The following SUCLG1 variants were observed in gnomAD, a reference collection of about 807,000 sequenced individuals.
The protein encoded by SUCLG1 is succinate-CoA ligase GDP/ADP-forming subunit alpha.
In SUCLG1, 26 loss-of-function variants were observed where a neutral mutation model predicts 37.3. The ratio of observed to expected loss-of-function variants is 0.70; its 90% CI spans 0.51 to 0.97. The LOEUF (loss-of-function observed/expected upper bound fraction) is 0.97, where lower values mean the gene tolerates loss of function less well. SUCLG1 is among the 50% of genes least tolerant of loss of function. SUCLG1 has a pLI of 0.00. For synonymous variants in SUCLG1, 163 were observed against 155.6 expected, an observed-to-expected ratio of 1.05 and a Z score of -0.36; for missense variants, 433 against 432.9, an observed-to-expected ratio of 1.00 and a Z score of 0.00.
chr2:84,457,174 C>T (rs1182539647), intron 1 of SUCLG1, among the ~76,000 whole-genome samples: 1 of 151,882 alleles, frequency 6.6e-6, no homozygotes, highest in Admixed American at 6.6e-5. Context: ...ATTTCTGGTC[C>T]CTTTTTAAAA....
At chr2:84,457,961 C>T (rs550088530) in intron 1 of SUCLG1, among the ~76,000 whole-genome samples, 2 of 152,078 alleles carry the variant, frequency 1.3e-5, no homozygotes, top group East Asian at 3.9e-4. Flanking sequence ...ATTGAGTGCA[C>T]ACTCATCAAT....
intron 8 of SUCLG1, among the ~76,000 whole-genome samples, chr2:84,424,543 A>T (rs778487616): frequency 1.4e-3 from 211 of 152,320 alleles, no homozygotes; most frequent in South Asian, 3.9e-3. Flanking sequence ...AGTCCACTTT[A>T]TTTATCTCTA....
intron 5 of SUCLG1, among the ~76,000 whole-genome samples, chr2:84,439,828 T>A (rs1306866252): frequency 6.6e-6 from 1 of 152,220 alleles, no homozygotes; most frequent in East Asian, 1.9e-4. Context: ...CTCAAGGAAC[T>A]AACCAAGTAG....
At chr2:84,441,504 A>C (rs779237043) in intron 3 of SUCLG1, 45 bp from the exon 4 acceptor site, 17 of 1,573,108 alleles carry the variant, frequency 1.1e-5, no homozygotes, top group Non-Finnish European at 1.5e-5. Context: ...TTAAATCATA[A>C]ACATTGTAAA....
chr2:84,450,770 C>T (rs567595890), intron 1 of SUCLG1, among the ~76,000 whole-genome samples: 3 of 152,198 alleles, frequency 2.0e-5, no homozygotes, highest in Non-Finnish European at 4.4e-5. Flanking sequence ...AAATCACTGC[C>T]TCATACCCAC....
At chr2:84,440,926 G>A (rs945021358) in intron 5 of SUCLG1, 121 bp downstream of exon 5, 7 of 975,776 alleles carry the variant, frequency 7.2e-6, no homozygotes, top group Non-Finnish European at 1.1e-5. Context: ...AACTTCCCTG[G>A]TAAATTCTAC....
intron 5 of SUCLG1, among the ~76,000 whole-genome samples, chr2:84,436,062 C>T (rs1573366814): frequency 6.6e-6 from 1 of 152,058 alleles, no homozygotes; most frequent in African/African-American, 2.4e-5. Flanking sequence ...CTTCCGGTAA[C>T]AAGAGGGCTC....
intron 2 of SUCLG1, among the ~76,000 whole-genome samples, 185 bp from the exon 3 acceptor site, chr2:84,443,585 G>A (rs1268282609): frequency 6.6e-6 from 1 of 152,158 alleles, no homozygotes; most frequent in Non-Finnish European, 1.5e-5. Context: ...AGCCAAAATA[G>A]CTATAAACAA....
intron 7 of SUCLG1, 103 bp from the exon 8 acceptor site, chr2:84,425,706 G>A: frequency 7.0e-6 from 9 of 1,293,480 alleles, no homozygotes; most frequent in Non-Finnish European, 1.0e-5. Context: ...CTTGGGCAGG[G>A]GAAAGCCCAC....
At chr2:84,448,336 C>T (rs1426204876) in intron 2 of SUCLG1, among the ~76,000 whole-genome samples, 1 of 151,932 alleles carries the variant, frequency 6.6e-6, no homozygotes, top group Non-Finnish European at 1.5e-5. Context: ...TCTATGGCTG[C>T]TTTTGCTGTT....
At chr2:84,427,046 G>A (rs1017254131) in intron 7 of SUCLG1, 14 of 153,708 alleles carry the variant, frequency 9.1e-5, no homozygotes, top group African/African-American at 3.1e-4. Context: ...AACCATTCTA[G>A]TGAGAAGAGT....
At chr2:84,430,023 A>C (rs993060428) in intron 7 of SUCLG1, among the ~76,000 whole-genome samples, 1 of 152,188 alleles carries the variant, frequency 6.6e-6, no homozygotes, top group Non-Finnish European at 1.5e-5. Context: ...ATAAGAGAGA[A>C]ATAAAAGTTA....
At chr2:84,433,168 G>C (rs933222692) in intron 6 of SUCLG1, 184 bp downstream of exon 6, 2 of 662,370 alleles carry the variant, frequency 3.0e-6, no homozygotes, top group African/African-American at 3.6e-5. Context: ...TGAAATCTTG[G>C]ACCATGAATC....
intron 7 of SUCLG1, among the ~76,000 whole-genome samples, chr2:84,430,537 T>C (rs998806279): frequency 1.3e-5 from 2 of 152,140 alleles, no homozygotes; most frequent in Admixed American, 1.3e-4. Context: ...ATATTCAAAA[T>C]AGCCCTTGAA....
chr2:84,434,321 A>G (rs567643091), intron 5 of SUCLG1, among the ~76,000 whole-genome samples: 1 of 152,304 alleles, frequency 6.6e-6, no homozygotes, highest in South Asian at 2.1e-4. Context: ...CAACCAATAT[A>G]TAGGCTTTAA....
Position 84,459,270 on chromosome 2 carries a change from A to C in SUCLG1, c.-1T>G, listed in dbSNP as rs955120902. On this transcript the variant is annotated 5_prime_UTR_variant, in exon 1 of 9. Transcript: ENST00000393868. ...CGGCAGCGGCAAGGGTTGCGGTCAT[A>C]CGCCAATGACACTCCCAGGCCCCCG... The C allele has an allele frequency of 2.6e-6, 4 of 1,550,662 alleles. No homozygotes were observed. The highest frequency in any genetic ancestry group is 3.9e-5 in the Admixed American group (2 of 51,004).
intron 1 of SUCLG1, among the ~76,000 whole-genome samples, chr2:84,456,699 TGTTGCCCAGGC>T (rs1673025183): frequency 6.6e-6 from 1 of 152,282 alleles, no homozygotes; most frequent in East Asian, 1.9e-4. Flanking sequence ...AGTCTCACTC[TGTTGCCCAGGC>T]TGGAGTACAG....
At chr2:84,442,166 TAAA>T (rs11310460) in intron 3 of SUCLG1, among the ~76,000 whole-genome samples, 12 of 141,048 alleles carry the variant, frequency 8.5e-5, no homozygotes, top group African/African-American at 1.0e-4. Flanking sequence ...GAACTTTCTT[TAAA>T]AAAAAAAAAA....
chr2:84,428,505 T>A (rs1672568919), intron 7 of SUCLG1, among the ~76,000 whole-genome samples: 1 of 152,204 alleles, frequency 6.6e-6, no homozygotes, highest in South Asian at 2.1e-4. Flanking sequence ...AATATGAGAA[T>A]CTCATGTTTG....
Sources: gnomAD v4.1 joint callset for allele counts (sites outside exome capture counted in the v4.1 genomes callset) on GRCh38, gnomAD v4.1.1 for gene constraint, MANE v1.5 for transcripts, NCBI Gene and HGNC (gene_info 2026-07-23, HGNC 2026-07-21) for gene names.